Variants in CEP170B observed in about 807,000 individuals in gnomAD.
CEP170B encodes the protein centrosomal protein of 170 kDa protein B.
Under a neutral mutation model 120.6 loss-of-function variants are expected in CEP170B, and 55 were observed. The observed-to-expected ratio is 0.46, with a 90% confidence interval of 0.37 to 0.57. CEP170B has a LOEUF of 0.57. Ranked by LOEUF, CEP170B falls within the 20% of genes least tolerant of loss-of-function variation. The pLI is 0.00. For missense variants in CEP170B, 2,212 were observed against 2,253.3 expected (o/e 0.98, Z 0.37); for synonymous variants, 1,033 against 954.5 (o/e 1.08, Z -1.52).
chr14:104,884,642 G>T, intron 9 of CEP170B, 93 bp downstream of exon 9: 1 of 1,187,734 alleles, frequency 8.4e-7, no homozygotes, highest in South Asian at 1.5e-5. Context: ...TGGGGAACGG[G>T]GGGTGGAGGC....
intron 3 of CEP170B, among the ~76,000 whole-genome samples, chr14:104,876,836 C>T (rs768114968): frequency 3.9e-5 from 6 of 152,190 alleles, no homozygotes; most frequent in Non-Finnish European, 8.8e-5. Context: ...GTGATCCTTT[C>T]TTCTGTAAGT....
At chr14:104,894,057 C>T (rs972273759) in intron 16 of CEP170B, 1 of 650,416 alleles carries the variant, frequency 1.5e-6, no homozygotes, top group Non-Finnish European at 2.7e-6. Flanking sequence ...GCGGCCCTTC[C>T]TCCCCTTCTC....
In CEP170B at chr14:104,865,333, C is replaced by T. The variant is rs1895149158; in HGVS notation, c.-208C>T. The stretch of plus-strand genomic sequence containing the variant: ...CTGCCGTGGGCTCGGCCCGGGCTGC[C>T]ACGAGCGTGCGGGCCTCGCCGGGCA... On this transcript the variant is annotated 5_prime_UTR_variant, in exon 1 of 19. Transcript: ENST00000414716. This position sits in a 1 kb window ranked among gnomAD's most constrained non-coding sequence, Gnocchi z 6.7. 1 of 146,500 alleles carries T rather than the reference C, an allele frequency of 6.8e-6. No homozygotes were observed. The highest frequency in any genetic ancestry group is 2.1e-4 in the South Asian group (1 of 4,848). 9.1% of individuals were successfully genotyped at this position (146,500 alleles called of 1,614,324 possible).
intron 16 of CEP170B, 190 bp downstream of exon 16, chr14:104,894,039 CCT>C (rs1288569273): frequency 1.5e-6 from 1 of 675,784 alleles, no homozygotes; most frequent in Non-Finnish European, 2.5e-6. Context: ...GGAGCCAGCG[CCT>C]CCAGGGCGGC....
chr14:104,871,914 C>A (rs1895503848), intron 2 of CEP170B, among the ~76,000 whole-genome samples: 1 of 152,252 alleles, frequency 6.6e-6, no homozygotes, highest in South Asian at 2.1e-4. Flanking sequence ...GCAGAGCTGC[C>A]ACCCACGTGC....
rs761333323 is a variant in CEP170B, at chr14:104,889,727, G to C, written c.3847G>C (p.Val1283Leu). The C allele has an allele frequency of 6.2e-7, 1 of 1,608,198 alleles. No homozygotes were observed. The highest frequency in any genetic ancestry group is 2.2e-5 in the East Asian group (1 of 44,606). The stretch of plus-strand genomic sequence containing the variant: ...GGAGCCTGACCCTTATGGTTTCATC[G>C]TGCAGACGGCAGAGATTGCGGAGAT... ...EEEPDPYGFI[V>L]QTAEIAEIAR... The change falls in exon 13 of 19, where the codon GTG becomes CTG. Residue 1283 changes from valine (V) to leucine (L), a missense_variant. Transcript: ENST00000414716.
intron 2 of CEP170B, among the ~76,000 whole-genome samples, chr14:104,875,393 T>A (rs967862861): frequency 1.3e-4 from 20 of 152,058 alleles, no homozygotes; most frequent in Non-Finnish European, 2.9e-5. Flanking sequence ...GTCGGCTGGT[T>A]CTGCTGGCCT....
rs1158161113 is a variant in CEP170B, at chr14:104,886,412, C to T, written c.2173C>T (p.Pro725Ser). ...PESSRRSGPG[P>S]PELDSEQPSR... Reference sequence around the variant, plus strand: ...GAGCAGCAGGAGGAGTGGGCCTGGGCCACCGGAGCTGGACAGTGAGCAGCC... The same window carrying T: ...GAGCAGCAGGAGGAGTGGGCCTGGGTCACCGGAGCTGGACAGTGAGCAGCC... The change falls in exon 12 of 19, where the codon CCA becomes TCA. Residue 725 changes from proline (P) to serine (S), a missense_variant. By Grantham distance (74) the Pro-to-Ser change is moderately conservative. This residue lies in a region of CEP170B where 2,166 missense variants were observed against 2,166.7 expected (regional missense o/e 1.00). Transcript: ENST00000414716. 6.3e-7 allele frequency: 1 copy of T among 1,580,722 alleles called. No individual in the cohort carries two copies. Among genetic ancestry groups the T allele is most frequent in the South Asian group, 1.2e-5 (1 of 86,608 alleles).
In CEP170B at chr14:104,884,462, C is replaced by G. The variant is rs9788593; in HGVS notation, c.1683C>G (p.Asp561Glu). Residue 561 changes from aspartate (D) to glutamate (E), a missense_variant, in exon 9 of 19, where the codon GAC (aspartate) becomes GAG (glutamate). This residue lies in a region of CEP170B where 2,166 missense variants were observed against 2,166.7 expected (regional missense o/e 1.00). Coordinates refer to ENST00000414716, the MANE Select transcript of CEP170B (RefSeq NM_001112726.3). ...CCAAGGCACGGAAACAGGAGGAGGA[C>G]GACAGCCTCAGTGACGCAGGGACAT... Reference protein sequence around the residue: ...QLTKARKQEEDDSLSDAGTYT... With the variant: ...QLTKARKQEEEDSLSDAGTYT... The G allele has an allele frequency of 3.9e-6, 6 of 1,527,490 alleles. No homozygotes were observed. Among genetic ancestry groups the G allele is most frequent in the Non-Finnish European group, 3.5e-6 (4 of 1,133,592 alleles). 94.6% of individuals were successfully genotyped at this position (1,527,490 alleles called of 1,614,324 possible). A position where few individuals can be genotyped will look rare whatever the true frequency, so the allele number is the denominator to read the frequency against.
intron 12 of CEP170B, among the ~76,000 whole-genome samples, chr14:104,889,128 G>T (rs1458535403): frequency 1.3e-5 from 2 of 152,210 alleles, no homozygotes; most frequent in Non-Finnish European, 2.9e-5. Context: ...ACTGGTCCTT[G>T]CCTGTCTGTG....
chr14:104,895,246 A>T lies in CEP170B; in HGVS notation c.*288A>T. 2.4e-6 allele frequency: 1 copy of T among 418,194 alleles called. No homozygotes were observed. The highest frequency in any genetic ancestry group is 4.2e-6 in the Non-Finnish European group (1 of 237,024). 25.9% of individuals were successfully genotyped at this position (418,194 alleles called of 1,614,324 possible). On this transcript the variant is annotated 3_prime_UTR_variant, in exon 19 of 19. Coordinates refer to ENST00000414716, the MANE Select transcript of CEP170B (RefSeq NM_001112726.3). The stretch of plus-strand genomic sequence containing the variant: ...CCAAGGTCAAGCCCTCAAGGGCATT[A>T]CCCCGCCTCCTCTTCATCACTGTTA...
intron 5 of CEP170B, among the ~76,000 whole-genome samples, chr14:104,879,795 C>T (rs760433508): frequency 4.6e-5 from 7 of 152,182 alleles, no homozygotes; most frequent in Non-Finnish European, 7.4e-5. Flanking sequence ...GTGGGAACGG[C>T]ATCTCCTCGC....
Position 104,865,788 on chromosome 14 carries a change from G to A in CEP170B, c.-28+275G>A, listed in dbSNP as rs1290920371. Among the ~76,000 whole-genome samples the A allele has an allele frequency of 6.6e-6, 1 of 152,044 alleles. No homozygotes were observed. Among genetic ancestry groups the A allele is most frequent in the Non-Finnish European group, 1.5e-5 (1 of 67,944 alleles). On this transcript the variant is annotated intron_variant, in intron 1 of 18. Transcript: ENST00000414716. The surrounding 1 kb of genome is among the most constrained non-coding windows in gnomAD (Gnocchi z 6.7). ...GGGTCCCCGCCCCGGCACCGGCTCG[G>A]CCATGGCCGCCCCCGGAGAGCGCTG...
rs771866351 is a variant in CEP170B at position 104,883,853 on chromosome 14, G to T, written c.1074G>T (p.Thr358=). ...TLKGHKHEDG[T]QSDSEDPLAK... ...CAGGCCACAAGCACGAGGACGGCAC[G>T]CAGAGTGACTCAGAGGACCCCCTGG... is the stretch of plus-strand genomic sequence containing the variant. The change falls in exon 9 of 19, where the codon ACG becomes ACT. Residue 358 remains threonine, a synonymous_variant. Coordinates refer to ENST00000414716, the MANE Select transcript of CEP170B (RefSeq NM_001112726.3). 1.3e-6 allele frequency: 2 copies of T among 1,565,918 alleles called. No homozygotes were observed.
Position 104,867,199 on chromosome 14 carries a change from G to T in CEP170B, c.-27-1225G>T, listed in dbSNP as rs1895248351. On this transcript the variant is annotated intron_variant, in intron 1 of 18. Transcript: ENST00000414716. This position sits in a 1 kb window ranked among gnomAD's most constrained non-coding sequence, Gnocchi z 5.4. ...CAGGACTAGCCACAGGACTCCCAGG[G>T]GTATGTGAGGCCCTCCATCCCTCTG... 6.6e-6 allele frequency among the ~76,000 whole-genome samples: 1 copy of T among 152,124 alleles called. No individual in the cohort carries two copies.
In CEP170B at chr14:104,872,199, G is replaced by GTGGGTGTGCCA. The variant is rs1335653807; in HGVS notation, c.105+3653_105+3654insCATGGGTGTGC. Among the ~76,000 whole-genome samples, 394 of 140,648 alleles carry GTGGGTGTGCCA rather than the reference G, an allele frequency of 2.8e-3. 1 individual carries two copies. Among genetic ancestry groups the GTGGGTGTGCCA allele is most frequent in the African/African-American group, 9.6e-3 (355 of 36,890 alleles). 92.3% of individuals were successfully genotyped at this position (140,648 alleles called of 152,430 possible). On this transcript the variant is annotated intron_variant, in intron 2 of 18. Coordinates refer to ENST00000414716, the MANE Select transcript of CEP170B (RefSeq NM_001112726.3). The stretch of plus-strand genomic sequence containing the variant: ...TGCGTGTGTGTGCTGTGTGTGTGCC[G>GTGGGTGTGCCA]TGGGTGTGCGTGTGTGTACCATGGG...
At position 104,866,391 on chromosome 14, in the gene CEP170B, G is replaced by C. The variant is rs183658811; in HGVS notation, c.-28+878G>C. ...TGCAATGGTGGGGTAGGCCCTGCCCGATAGAGCACCCTGTGGTCTCCCCCA... is the reference window on the plus strand; with the variant it reads ...TGCAATGGTGGGGTAGGCCCTGCCCCATAGAGCACCCTGTGGTCTCCCCCA... On this transcript the variant is annotated intron_variant, in intron 1 of 18. Coordinates refer to ENST00000414716, the MANE Select transcript of CEP170B (RefSeq NM_001112726.3). Among the ~76,000 whole-genome samples the C allele has an allele frequency of 3.4e-4, 51 of 152,076 alleles. 1 individual carries two copies. In the East Asian group the frequency reaches 9.2e-3, roughly 27 times the overall value.
chr14:104,887,933 C>A lies in CEP170B; in HGVS notation c.3694C>A (p.Gln1232Lys). 1 of 1,543,552 alleles carries A rather than the reference C, an allele frequency of 6.5e-7. No homozygotes were observed. Among genetic ancestry groups the A allele is most frequent in the South Asian group, 1.2e-5 (1 of 83,868 alleles). The change falls in exon 12 of 19, where the codon CAG becomes AAG. Residue 1232 changes from glutamine (Q) to lysine (K), a missense_variant. This residue lies in a region of CEP170B where 2,166 missense variants were observed against 2,166.7 expected (regional missense o/e 1.00). Transcript: ENST00000414716. ...ANTATTTGPR[Q>K]PFSRARSGSA... ...CACAGCCACCACCACGGGTCCCCGC[C>A]AGCCCTTCAGCAGGGCCCGCTCAGG...
In CEP170B at chr14:104,868,656, C is replaced by A. The variant is rs1310219983; in HGVS notation, c.105+101C>A. ...CCCCACTTGCTGCAGGCCACCCTGGCGAGGAGGCCGCCATGCAGCCCAGGC... is the reference window on the plus strand; with the variant it reads ...CCCCACTTGCTGCAGGCCACCCTGGAGAGGAGGCCGCCATGCAGCCCAGGC... On this transcript the variant is annotated intron_variant, in intron 2 of 18. Transcript: ENST00000414716. This position sits in a 1 kb window ranked among gnomAD's most constrained non-coding sequence, Gnocchi z 5.9. The A allele has an allele frequency of 9.6e-6, 11 of 1,143,998 alleles. No individual in the cohort carries two copies. The highest frequency in any genetic ancestry group is 4.6e-5 in the Admixed American group (2 of 43,834). The allele number at this position is 1,143,998 out of a possible 1,614,324, so 70.9% of individuals were successfully genotyped here.
Sources: allele counts gnomAD v4.1 joint callset (sites outside exome capture counted in the v4.1 genomes callset), GRCh38; gene constraint gnomAD v4.1.1; regional missense constraint gnomAD v4.1.1; non-coding constraint Gnocchi (gnomAD v3.1); transcripts MANE v1.5; gene names NCBI Gene and HGNC (gene_info 2026-07-23, HGNC 2026-07-21).